The following TNPO3 variants were observed in gnomAD, a reference collection of about 807,000 sequenced individuals.
TNPO3 encodes the protein transportin 3, also known as transportin-3.
In TNPO3, 65 loss-of-function variants were observed where a neutral mutation model predicts 122.8. That is an observed-to-expected ratio of 0.53 (90% CI 0.43 to 0.65). The LOEUF (loss-of-function observed/expected upper bound fraction) is 0.65, where lower values mean the gene tolerates loss of function less well. Among genes scored for constraint, TNPO3 ranks in the 30% least tolerant of loss-of-function variants. The pLI is 0.00. For synonymous variants in TNPO3, 372 were observed against 411.2 expected, an observed-to-expected ratio of 0.90 and a Z score of 1.15; for missense variants, 850 against 1,136.7, an observed-to-expected ratio of 0.75 and a Z score of 3.63.
At chr7:129,023,180 G>A (rs897796128) in intron 1 of TNPO3, among the ~76,000 whole-genome samples, 1 of 151,956 alleles carries the variant, frequency 6.6e-6, no homozygotes, top group Non-Finnish European at 1.5e-5. Context: ...CTCACAACCT[G>A]GATTCTCAGT....
At chr7:128,983,731 C>T (rs938113891) in intron 13 of TNPO3, among the ~76,000 whole-genome samples, 1 of 151,702 alleles carries the variant, frequency 6.6e-6, no homozygotes, top group Admixed American at 6.6e-5. Context: ...TAAGCCCCCA[C>T]TTCAAGACAG....
intron 1 of TNPO3, among the ~76,000 whole-genome samples, chr7:129,026,704 G>C (rs1192158567): frequency 6.6e-6 from 1 of 151,758 alleles, no homozygotes; most frequent in Non-Finnish European, 1.5e-5. Flanking sequence ...GCACCTGGCT[G>C]TTTGAATATT....
At chr7:128,980,429 G>A (rs765382970) in intron 14 of TNPO3, among the ~76,000 whole-genome samples, 5 of 152,180 alleles carry the variant, frequency 3.3e-5, no homozygotes, top group Non-Finnish European at 7.3e-5. Flanking sequence ...CCAATATGGT[G>A]AAAACCCGTC....
intron 1 of TNPO3, among the ~76,000 whole-genome samples, chr7:129,036,757 A>G (rs1806732853): frequency 6.6e-6 from 1 of 152,194 alleles, no homozygotes; most frequent in Admixed American, 6.5e-5. Context: ...TTAGAAGACA[A>G]AACTGGAGAA....
chr7:129,028,672 G>T (rs1382807104), intron 1 of TNPO3, among the ~76,000 whole-genome samples: 2 of 152,202 alleles, frequency 1.3e-5, no homozygotes, highest in African/African-American at 4.8e-5. Context: ...GCACTGACAG[G>T]CACAGCAGAG....
chr7:129,001,868 C>G (rs773197515), intron 5 of TNPO3, among the ~76,000 whole-genome samples: 4 of 152,132 alleles, frequency 2.6e-5, no homozygotes, highest in Non-Finnish European at 5.9e-5. Context: ...TGTTCCCTAC[C>G]CTATTCTAGT....
chr7:128,985,455 G>A (rs1459735865), intron 12 of TNPO3, among the ~76,000 whole-genome samples: 1 of 152,142 alleles, frequency 6.6e-6, no homozygotes, highest in African/African-American at 2.4e-5. Flanking sequence ...AATCAGCTAA[G>A]CATAGTGGTG....
chr7:129,054,210 G>A (rs2150583596), intron 1 of TNPO3, among the ~76,000 whole-genome samples: 1 of 152,286 alleles, frequency 6.6e-6, no homozygotes, highest in Admixed American at 6.5e-5. Flanking sequence ...AAAAGAGTGA[G>A]GCATAAGGCT....
At chr7:128,977,850 C>G (rs930781907) in intron 16 of TNPO3, among the ~76,000 whole-genome samples, 1 of 152,148 alleles carries the variant, frequency 6.6e-6, no homozygotes. Context: ...CCCACCTCGG[C>G]CTCCCAAAGT....
chr7:128,967,768 GCT>G (rs900913923), intron 20 of TNPO3, among the ~76,000 whole-genome samples: 2 of 146,410 alleles, frequency 1.4e-5, no homozygotes, highest in African/African-American at 2.5e-5. Flanking sequence ...ACACACACTC[GCT>G]CTCTCTTTTT....
intron 1 of TNPO3, among the ~76,000 whole-genome samples, chr7:129,018,861 GGT>G (rs1804135505): frequency 6.6e-6 from 1 of 152,094 alleles, no homozygotes; most frequent in Non-Finnish European, 1.5e-5. Context: ...TAGGATAACA[GGT>G]GTGCACCACC....
intron 4 of TNPO3, among the ~76,000 whole-genome samples, chr7:129,008,769 T>C (rs144581656): frequency 1.3e-3 from 203 of 152,296 alleles, no homozygotes; most frequent in African/African-American, 4.6e-3. Context: ...AAACTCTCAA[T>C]TGAATCTTTG....
intron 4 of TNPO3, among the ~76,000 whole-genome samples, chr7:129,011,144 G>A (rs921701688): frequency 1.3e-5 from 2 of 152,044 alleles, no homozygotes; most frequent in Non-Finnish European, 2.9e-5. Flanking sequence ...GAAATACAGA[G>A]AAAAGAAAAA....
intron 1 of TNPO3, among the ~76,000 whole-genome samples, chr7:129,042,029 A>C (rs1270863828): frequency 1.3e-5 from 2 of 152,164 alleles, no homozygotes; most frequent in Non-Finnish European, 2.9e-5. Flanking sequence ...GGCCCTCAAC[A>C]ATGCAAGCAC....
chr7:128,964,333 C>CTTTTTT (rs35667373), intron 21 of TNPO3, among the ~76,000 whole-genome samples: 1 of 120,660 alleles, frequency 8.3e-6, no homozygotes, highest in Non-Finnish European at 1.7e-5. Context: ...CCAAAACAAT[C>CTTTTTT]TTTTTTTTTT....
At chr7:128,991,729 A>G (rs906403246) in intron 10 of TNPO3, among the ~76,000 whole-genome samples, 1 of 152,226 alleles carries the variant, frequency 6.6e-6, no homozygotes, top group Non-Finnish European at 1.5e-5. Context: ...AACTTTCACA[A>G]GGGAGCCTCA....
intron 1 of TNPO3, among the ~76,000 whole-genome samples, chr7:129,039,133 T>C (rs935251534): frequency 2.0e-5 from 3 of 152,172 alleles, no homozygotes; most frequent in African/African-American, 7.2e-5. Context: ...CCAGGATGGC[T>C]ATAATCAAAA....
At chr7:128,993,426 G>C (rs1800964833) in intron 9 of TNPO3, among the ~76,000 whole-genome samples, 1 of 152,070 alleles carries the variant, frequency 6.6e-6, no homozygotes, top group Non-Finnish European at 1.5e-5. Flanking sequence ...ATAACTACAA[G>C]AGTTACCAGG....
intron 1 of TNPO3, among the ~76,000 whole-genome samples, chr7:129,053,899 A>C (rs1300622109): frequency 2.0e-5 from 3 of 152,262 alleles, no homozygotes; most frequent in Non-Finnish European, 4.4e-5. Context: ...ATGCAGAAAT[A>C]CAACAGATAT....
Sources: allele counts gnomAD v4.1 joint callset (sites outside exome capture counted in the v4.1 genomes callset), GRCh38; gene constraint gnomAD v4.1.1; transcripts MANE v1.5; gene names NCBI Gene and HGNC (gene_info 2026-07-23, HGNC 2026-07-21).